Variants in SMCHD1 observed in about 807,000 individuals in gnomAD.
SMCHD1 encodes structural maintenance of chromosomes flexible hinge domain containing 1.
In SMCHD1, 78 loss-of-function variants were observed where a neutral mutation model predicts 254.7. That is an observed-to-expected ratio of 0.31 (90% confidence interval 0.26 to 0.37). SMCHD1 has a LOEUF of 0.37. SMCHD1 is among the 10% of genes least tolerant of loss of function. The pLI, the probability that SMCHD1 is intolerant of heterozygous loss-of-function variation, is 1.00. For missense variants in SMCHD1, 1,840 were observed against 2,408.1 expected (o/e 0.76, Z 4.94); for synonymous variants, 766 against 794.9 (o/e 0.96, Z 0.61).
At chr18:2,728,278 G>A (rs1440632061) in intron 22 of SMCHD1, 179 bp from the exon 23 acceptor site, 14 of 585,668 alleles carry the variant, frequency 2.4e-5, no homozygotes, top group Non-Finnish European at 4.1e-5. Context: ...GTCTTGTCAT[G>A]TATTGAATCT....
intron 45 of SMCHD1, among the ~76,000 whole-genome samples, chr18:2,794,175 A>T (rs2076219564): frequency 6.6e-6 from 1 of 152,124 alleles, no homozygotes. Context: ...TTTAAACTGG[A>T]TAGGCCAGTG....
At chr18:2,730,771 A>G (rs961580707) in intron 24 of SMCHD1, among the ~76,000 whole-genome samples, 1 of 152,354 alleles carries the variant, frequency 6.6e-6, no homozygotes, top group South Asian at 2.1e-4. Flanking sequence ...TCAAATGGAT[A>G]CAAGATGTCT....
At chr18:2,696,552 G>A (rs1017683827) in intron 8 of SMCHD1, among the ~76,000 whole-genome samples, 4 of 152,184 alleles carry the variant, frequency 2.6e-5, no homozygotes, top group Non-Finnish European at 5.9e-5. Context: ...CATGAAACTG[G>A]TTTTGGTGCC....
At chr18:2,665,470 G>A (rs989646471) in intron 1 of SMCHD1, among the ~76,000 whole-genome samples, 5 of 151,890 alleles carry the variant, frequency 3.3e-5, no homozygotes, top group Non-Finnish European at 7.4e-5. Flanking sequence ...ACAGGTGTGC[G>A]CCACCACACC....
chr18:2,684,463 T>C (rs1327508426), intron 5 of SMCHD1, among the ~76,000 whole-genome samples: 3 of 152,158 alleles, frequency 2.0e-5, no homozygotes, highest in African/African-American at 7.2e-5. Flanking sequence ...GGTAAATGTT[T>C]TTCCAACCTC....
chr18:2,796,255 G>A, intron 46 of SMCHD1, 148 bp downstream of exon 46: 2 of 870,492 alleles, frequency 2.3e-6, no homozygotes, highest in Non-Finnish European at 3.4e-6. Flanking sequence ...CTGATAAATG[G>A]TTATAAACTA....
At position 2,673,158 on chromosome 18, in the gene SMCHD1, C is replaced by G. The variant is rs1306923122; in HGVS notation, c.425-123C>G. 4.5e-6 allele frequency: 6 copies of G among 1,345,960 alleles called. No homozygotes were observed. The East Asian group carries it at 1.4e-4, about 30-fold the overall frequency. The allele number at this position is 1,345,960 out of a possible 1,614,324, so 83.4% of individuals were successfully genotyped here. A position where few individuals can be genotyped will look rare whatever the true frequency, so the allele number is the denominator to read the frequency against. ...TTATTATGTATTATATCATTAGGAT[C>G]AGGATAATACTTTAATTCTAGCTCT... is the stretch of plus-strand genomic sequence containing the variant. On this transcript the variant is annotated intron_variant, in intron 3 of 47. Coordinates refer to ENST00000320876, the MANE Select transcript of SMCHD1 (RefSeq NM_015295.3).
In SMCHD1 at chr18:2,803,608, A is replaced by G. The variant is rs1215480240; in HGVS notation, c.*1056A>G. The G allele has an allele frequency of 6.6e-6, 1 of 152,170 alleles. No individual in the cohort carries two copies. The highest frequency in any genetic ancestry group is 2.4e-5 in the African/African-American group (1 of 41,444). The allele number at this position is 152,170 out of a possible 1,614,324, so 9.4% of individuals were successfully genotyped here. A position where few individuals can be genotyped will look rare whatever the true frequency, so the allele number is the denominator to read the frequency against. On this transcript the variant is annotated 3_prime_UTR_variant, in exon 48 of 48. Coordinates refer to ENST00000320876, the MANE Select transcript of SMCHD1 (RefSeq NM_015295.3). The stretch of plus-strand genomic sequence containing the variant: ...TAATAAATAAGATTGTTTCTTCCCT[A>G]CTGAATAGATAAGTGTTTTTCTTTT...
At chr18:2,735,923 C>A (rs546735410) in intron 25 of SMCHD1, among the ~76,000 whole-genome samples, 4 of 152,086 alleles carry the variant, frequency 2.6e-5, no homozygotes, top group African/African-American at 9.7e-5. Context: ...TCAGATGGAA[C>A]TAAAAAAGAG....
chr18:2,710,599 A>G (rs1221823432), intron 17 of SMCHD1, among the ~76,000 whole-genome samples: 1 of 152,202 alleles, frequency 6.6e-6, no homozygotes, highest in Non-Finnish European at 1.5e-5. Flanking sequence ...GTTTTTTCAT[A>G]TATGAACATG....
intron 47 of SMCHD1, among the ~76,000 whole-genome samples, chr18:2,797,428 C>T (rs962493813): frequency 6.6e-6 from 1 of 152,226 alleles, no homozygotes; most frequent in African/African-American, 2.4e-5. Context: ...TCATATCAAC[C>T]GTAGAGGAAT....
intron 41 of SMCHD1, among the ~76,000 whole-genome samples, chr18:2,773,083 C>A (rs2076010611): frequency 6.6e-6 from 1 of 152,052 alleles, no homozygotes; most frequent in Admixed American, 6.6e-5. Context: ...TTTTTATATG[C>A]CCTATAACTT....
At chr18:2,702,471 A>G (rs943455320) in intron 12 of SMCHD1, among the ~76,000 whole-genome samples, 2 of 152,130 alleles carry the variant, frequency 1.3e-5, no homozygotes, top group Non-Finnish European at 2.9e-5. Flanking sequence ...TGTTTGGTTG[A>G]TAGTGAATCC....
At chr18:2,735,302 C>G (rs1051248696) in intron 25 of SMCHD1, among the ~76,000 whole-genome samples, 3 of 152,084 alleles carry the variant, frequency 2.0e-5, no homozygotes, top group African/African-American at 7.2e-5. Flanking sequence ...ATAATGAGAA[C>G]CATCCATGAC....
intron 8 of SMCHD1, 67 bp downstream of exon 8, chr18:2,694,760 A>T (rs2074251745): frequency 1.2e-5 from 17 of 1,362,086 alleles, no homozygotes; most frequent in Non-Finnish European, 1.8e-5. Context: ...AACATTACAG[A>T]TATATTGAAG....
intron 26 of SMCHD1, among the ~76,000 whole-genome samples, chr18:2,738,827 A>C (rs527413071): frequency 6.6e-6 from 1 of 152,334 alleles, no homozygotes; most frequent in South Asian, 2.1e-4. Flanking sequence ...AAAATACAAA[A>C]GATACAGTGT....
chr18:2,674,497 A>C (rs974931427), intron 5 of SMCHD1, among the ~76,000 whole-genome samples: 2 of 152,176 alleles, frequency 1.3e-5, no homozygotes, highest in Non-Finnish European at 2.9e-5. Context: ...AAATGTCTAA[A>C]ATTGCATGTG....
chr18:2,707,593 TG>T lies in SMCHD1; in HGVS notation c.2095del (p.Glu699LysfsTer20). 6.2e-7 allele frequency: 1 copy of T among 1,609,362 alleles called. No individual in the cohort carries two copies. The highest frequency in any genetic ancestry group is 1.1e-5 in the South Asian group (1 of 90,288). ...CTGATAGATTGTCAGTAACTTGGCC[TG>T]AAGGAGATGAATTATTGCCTAATGA... ...LPDRLSVTWPEGDELLPNEVR... is the reference protein window; with the variant it reads ...LPDRLSVTWPXGDELLPNEVR... On this transcript the variant is annotated frameshift_variant, in exon 16 of 48. Coordinates refer to ENST00000320876, the MANE Select transcript of SMCHD1 (RefSeq NM_015295.3). LOFTEE classifies it high-confidence loss of function.
chr18:2,688,723 T>TCC lies in SMCHD1; in HGVS notation c.849_850insCC (p.Ser284ProfsTer29). 7.1e-7 allele frequency: 1 copy of TCC among 1,414,808 alleles called. No individual in the cohort carries two copies. The highest frequency in any genetic ancestry group is 9.7e-7 in the Non-Finnish European group (1 of 1,028,868). 87.6% of individuals were successfully genotyped at this position (1,414,808 alleles called of 1,614,324 possible). ...AGGAGAAAAATAAAGAGGCAATATA[T>TCC]AGTGGATATATTAGAAACAGAAAGG... On this transcript the variant is annotated frameshift_variant, in exon 7 of 48. Coordinates refer to ENST00000320876, the MANE Select transcript of SMCHD1 (RefSeq NM_015295.3). LOFTEE classifies it high-confidence loss of function.
Sources: gnomAD v4.1 joint callset for allele counts (sites outside exome capture counted in the v4.1 genomes callset) on GRCh38, gnomAD v4.1.1 for gene constraint, MANE v1.5 for transcripts, NCBI Gene and HGNC (gene_info 2026-07-23, HGNC 2026-07-21) for gene names.